The following COA1 variants were observed in gnomAD, a reference collection of about 807,000 sequenced individuals.
The protein encoded by COA1 is cytochrome c oxidase assembly factor 1, also known as cytochrome c oxidase assembly factor 1 homolog.
In COA1, 13 loss-of-function variants were observed where a neutral mutation model predicts 16.0. The ratio of observed to expected loss-of-function variants is 0.81; its 90% CI spans 0.53 to 1.29. The LOEUF (loss-of-function observed/expected upper bound fraction) is 1.29, where lower values mean the gene tolerates loss of function less well. COA1 is among the 50% of genes most tolerant of loss of function. The pLI, the probability that COA1 is intolerant of heterozygous loss-of-function variation, is 0.00. For synonymous variants in COA1, 65 were observed against 65.7 expected, an observed-to-expected ratio of 0.99 and a Z score of 0.05; for missense variants, 179 against 177.0, an observed-to-expected ratio of 1.01 and a Z score of -0.06.
intron 6 of COA1, among the ~76,000 whole-genome samples, chr7:43,628,899 T>C (rs1204819091): frequency 1.3e-5 from 2 of 152,230 alleles, no homozygotes; most frequent in African/African-American, 4.8e-5. Flanking sequence ...TGTTTTATAG[T>C]TAATGCTTTC....
chr7:43,645,176 G>T, intron 4 of COA1, 75 bp downstream of exon 4: 1 of 1,456,472 alleles, frequency 6.9e-7, no homozygotes, highest in Admixed American at 2.1e-5. Context: ...TTAACTCCAG[G>T]ACTTTCCAGG....
At chr7:43,679,720 T>C (rs2093683015) in intron 1 of COA1, among the ~76,000 whole-genome samples, 2 of 152,094 alleles carry the variant, frequency 1.3e-5, no homozygotes, top group African/African-American at 4.8e-5. Context: ...ATTCTTCAAA[T>C]GCAATATCCA....
chr7:43,713,999 G>A (rs372029044), intron 1 of COA1, among the ~76,000 whole-genome samples: 6 of 151,888 alleles, frequency 4.0e-5, no homozygotes, highest in Non-Finnish European at 8.8e-5. Context: ...TCACACCACT[G>A]CACTCTGTTT....
At chr7:43,624,645 C>A (rs770770740) in intron 6 of COA1, 4 of 1,614,038 alleles carry the variant, frequency 2.5e-6, no homozygotes, top group Non-Finnish European at 3.4e-6. Context: ...TCATTCTGTG[C>A]CTGAAATTAA....
At chr7:43,622,766 T>C (rs550029631) in intron 6 of COA1, 7 of 152,172 alleles carry the variant, frequency 4.6e-5, no homozygotes, top group African/African-American at 1.7e-4. Flanking sequence ...ACTGGCACTA[T>C]CTCGGCTTAC....
intron 1 of COA1, among the ~76,000 whole-genome samples, chr7:43,702,854 A>C (rs1159046867): frequency 5.3e-5 from 8 of 152,082 alleles, no homozygotes; most frequent in African/African-American, 1.9e-4. Context: ...CAATCAGTTC[A>C]GCTCTGATTT....
chr7:43,659,722 GCTTT>G lies in COA1; in HGVS notation c.-38-11074_-38-11071del, dbSNP rs2092234438. ...TTTATTCTCACAGACTCAGGTGTTT[GCTTT>G]CTATTTCTCTGGAGAGTCCTCTCCA... On this transcript the variant is annotated intron_variant, in intron 1 of 5. Transcript: ENST00000223336. Among the ~76,000 whole-genome samples the G allele has an allele frequency of 2.0e-5, 3 of 152,206 alleles. No homozygotes were observed. The South Asian group carries it at 6.2e-4, about 32-fold the overall frequency.
intron 4 of COA1, among the ~76,000 whole-genome samples, chr7:43,643,993 C>A (rs1468147520): frequency 1.3e-5 from 2 of 152,188 alleles, no homozygotes; most frequent in Non-Finnish European, 2.9e-5. Context: ...CAAGCACACA[C>A]CTTCCAAGAT....
At chr7:43,692,921 G>A (rs981685593) in intron 1 of COA1, among the ~76,000 whole-genome samples, 1 of 151,870 alleles carries the variant, frequency 6.6e-6, no homozygotes, top group Non-Finnish European at 1.5e-5. Flanking sequence ...TGACTTAAAT[G>A]TAATGGCATA....
At chr7:43,691,264 GAAAAGAAA>G (rs2094281256) in intron 1 of COA1, among the ~76,000 whole-genome samples, 1 of 30,552 alleles carries the variant, frequency 3.3e-5, no homozygotes, top group African/African-American at 2.2e-4. Context: ...AAGAAAGAAA[GAAAAGAAA>G]GAAAGAAAGA....
At chr7:43,613,045 G>A (rs763863606) in intron 6 of COA1, among the ~76,000 whole-genome samples, 5 of 152,244 alleles carry the variant, frequency 3.3e-5, no homozygotes, top group East Asian at 1.9e-4. Flanking sequence ...TCAGTACAGC[G>A]GCCTGGTTTT....
At chr7:43,647,243 C>T (rs2089593000) in intron 3 of COA1, 2 of 457,152 alleles carry the variant, frequency 4.4e-6, no homozygotes, top group Admixed American at 3.7e-5. Flanking sequence ...TATATAATCT[C>T]AGAATCTTGA....
chr7:43,643,120 G>A (rs2087634632), intron 4 of COA1, among the ~76,000 whole-genome samples: 1 of 152,132 alleles, frequency 6.6e-6, no homozygotes, highest in South Asian at 2.1e-4. Flanking sequence ...TCACAGCATG[G>A]CCAAGGCCCC....
At chr7:43,608,458 A>G (rs2082635849) in exon 7 of COA1, 2 of 1,543,974 alleles carry the variant, frequency 1.3e-6, no homozygotes, top group Admixed American at 3.9e-5. Context: ...GACATAAAAT[A>G]TTTAACAGTG....
intron 1 of COA1, among the ~76,000 whole-genome samples, chr7:43,661,594 G>A (rs1322011371): frequency 2.7e-5 from 4 of 149,282 alleles, no homozygotes; most frequent in Non-Finnish European, 4.4e-5. Context: ...CCGAGATCGC[G>A]CCACCGCACT....
chr7:43,626,947 T>G (rs2084617322), intron 6 of COA1, among the ~76,000 whole-genome samples: 1 of 152,180 alleles, frequency 6.6e-6, no homozygotes, highest in African/African-American at 2.4e-5. Flanking sequence ...TTTTGGTTTA[T>G]AAGATAAAAA....
intron 1 of COA1, among the ~76,000 whole-genome samples, chr7:43,661,470 C>T (rs912977169): frequency 2.6e-5 from 4 of 152,170 alleles, no homozygotes; most frequent in Admixed American, 2.6e-4. Flanking sequence ...CCCGTCTCTA[C>T]TAAAAATACA....
chr7:43,617,864 G>A (rs1455149041), intron 6 of COA1, among the ~76,000 whole-genome samples: 1 of 152,206 alleles, frequency 6.6e-6, no homozygotes, highest in African/African-American at 2.4e-5. Flanking sequence ...CATCAGAGGA[G>A]ATGGAAGACA....
chr7:43,628,407 A>G (rs2084832949), intron 6 of COA1, among the ~76,000 whole-genome samples: 2 of 152,194 alleles, frequency 1.3e-5, no homozygotes, highest in South Asian at 2.1e-4. Flanking sequence ...TAAATGTGCT[A>G]TAAATATTCT....
Sources: gnomAD v4.1 joint callset for allele counts (sites outside exome capture counted in the v4.1 genomes callset) on GRCh38, gnomAD v4.1.1 for gene constraint, MANE v1.5 for transcripts, NCBI Gene and HGNC (gene_info 2026-07-23, HGNC 2026-07-21) for gene names.